Variants in BCO2 observed in about 807,000 individuals in gnomAD.
BCO2 encodes beta-carotene oxygenase 2, also known as carotenoid-cleaving dioxygenase, mitochondrial.
In BCO2, 56 loss-of-function variants were observed where a neutral mutation model predicts 65.8. The observed-to-expected ratio is 0.85, with a 90% confidence interval of 0.69 to 1.06. The LOEUF (loss-of-function observed/expected upper bound fraction) is 1.06, where lower values mean the gene tolerates loss of function less well. Ranked by LOEUF, BCO2 falls within the 50% of genes least tolerant of loss-of-function variation. BCO2 has a pLI of 0.00. For synonymous variants in BCO2, 233 were observed against 242.3 expected, an observed-to-expected ratio of 0.96 and a Z score of 0.36; for missense variants, 675 against 698.5, an observed-to-expected ratio of 0.97 and a Z score of 0.38.
chr11:112,217,948 C>T lies in BCO2; in HGVS notation c.*74C>T. The T allele has an allele frequency of 9.2e-7, 1 of 1,087,522 alleles. No individual in the cohort carries two copies. Among genetic ancestry groups the T allele is most frequent in the South Asian group, 1.4e-5 (1 of 70,682 alleles). The allele number at this position is 1,087,522 out of a possible 1,614,324, so 67.4% of individuals were successfully genotyped here. ...TGGACATAAAGACTGGAGAAATAAA[C>T]ACTGAGGACTCCAAAAGGGGGGCAA... On this transcript the variant is annotated 3_prime_UTR_variant, in exon 12 of 12. Coordinates refer to ENST00000357685, the MANE Select transcript of BCO2 (RefSeq NM_031938.7).
intron 8 of BCO2, among the ~76,000 whole-genome samples, chr11:112,202,892 A>G (rs1867771661): frequency 6.6e-6 from 1 of 152,030 alleles, no homozygotes; most frequent in African/African-American, 2.4e-5. Context: ...TCTAGTAAAA[A>G]TGCAAAAATT....
intron 1 of BCO2, chr11:112,176,517 C>CGGGCG (rs1555193534): frequency 4.3e-5 from 2 of 46,752 alleles, no homozygotes; most frequent in African/African-American, 1.7e-4. Context: ...AATTGATTGG[C>CGGGCG]GGGGGGGGGG....
intron 4 of BCO2, chr11:112,194,260 C>G: frequency 2.3e-6 from 1 of 437,418 alleles, no homozygotes; most frequent in East Asian, 4.3e-5. Context: ...TCTACTTTGG[C>G]TAGTTGGGGT....
In BCO2 at chr11:112,193,575, A is replaced by G. The variant is rs762253947; in HGVS notation, c.395A>G (p.Lys132Arg). 1 of 1,614,168 alleles carries G rather than the reference A, an allele frequency of 6.2e-7. No individual in the cohort carries two copies. Among genetic ancestry groups the G allele is most frequent in the South Asian group, 1.1e-5 (1 of 91,074 alleles). ...AAGTTTCTACAGAGTGATACATATA[A>G]GGCCAACAGTGCTAAAAACCGAATT... ...RSKFLQSDTY[K>R]ANSAKNRIVI... Residue 132 changes from lysine (K) to arginine (R), a missense_variant, in exon 3 of 12, where the codon AAG (lysine) becomes AGG (arginine). By Grantham distance (26) the Lys-to-Arg change is conservative (BLOSUM62 2). Transcript: ENST00000357685.
chr11:112,213,631 A>T, intron 8 of BCO2, 93 bp from the exon 9 acceptor site: 1 of 1,220,346 alleles, frequency 8.2e-7, no homozygotes, highest in Non-Finnish European at 1.2e-6. Context: ...TTAAATATTT[A>T]GGAATGCCAA....
rs1271670680 is a variant in BCO2, at chr11:112,176,525, G to GGC, written c.88+837_88+838insCG. 3 of 130,236 alleles carry GGC rather than the reference G, an allele frequency of 2.3e-5. 1 individual carries two copies. The highest frequency in any genetic ancestry group is 4.9e-5 in the Non-Finnish European group (3 of 61,264). The allele number at this position is 130,236 out of a possible 1,614,324, so 8.1% of individuals were successfully genotyped here. ...TGAAGAAAATTGATTGGCGGGGGGG[G>GGC]GGGAATTAAACATTCTATTTTGACA... On this transcript the variant is annotated intron_variant, in intron 1 of 11. Transcript: ENST00000357685.
intron 6 of BCO2, among the ~76,000 whole-genome samples, chr11:112,200,119 A>G (rs1867688878): frequency 6.6e-6 from 1 of 152,236 alleles, no homozygotes; most frequent in Non-Finnish European, 1.5e-5. Flanking sequence ...AATAGTAATC[A>G]TACATGAAAA....
Position 112,193,879 on chromosome 11 carries a change from C to A in BCO2, c.518C>A (p.Ala173Asp). Reference protein sequence around the residue: ...SRFELPGKAAAMTDNTNVNYV... With the variant: ...SRFELPGKAADMTDNTNVNYV... ...AAATAACTCTAGGGTTTGGTTTCAG[C>A]CATGACTGACAATACTAATGTCAAC... The change falls in exon 4 of 12, where the codon GCC becomes GAC. Residue 173 changes from alanine to aspartate, a missense_variant and splice_region_variant. By Grantham distance (126) the Ala-to-Asp change is moderately radical. Transcript: ENST00000357685. The A allele has an allele frequency of 6.3e-7, 1 of 1,591,592 alleles. No homozygotes were observed. The highest frequency in any genetic ancestry group is 8.6e-7 in the Non-Finnish European group (1 of 1,159,530).
At position 112,202,155 on chromosome 11, in the gene BCO2, C is replaced by T; in HGVS notation, c.1159C>T (p.Gln387Ter). Residue 387 changes from glutamine to a stop codon, truncating the protein, a stop_gained, in exon 8 of 12, where the codon CAG (glutamine) becomes TAG (stop). Coordinates refer to ENST00000357685, the MANE Select transcript of BCO2 (RefSeq NM_031938.7). LOFTEE classifies it high-confidence loss of function. ...AAGAACCCTAGAAGTTTACCAGTTA[C>T]AGAATCTCAGGAAGGCTGGGGAAGG... ...NGRTLEVYQL[Q>*]NLRKAGEGLD... is the part of the protein sequence containing the mutation. The T allele has an allele frequency of 3.1e-6, 5 of 1,613,608 alleles. No individual in the cohort carries two copies. Among genetic ancestry groups the T allele is most frequent in the Non-Finnish European group, 4.2e-6 (5 of 1,179,806 alleles).
At chr11:112,199,311 G>A (rs1365426134) in intron 5 of BCO2, among the ~76,000 whole-genome samples, 1 of 152,156 alleles carries the variant, frequency 6.6e-6, no homozygotes, top group Non-Finnish European at 1.5e-5. Context: ...TGGCTGCATA[G>A]TATTCCATAG....
At chr11:112,178,024 C>T (rs1228457885) in intron 1 of BCO2, among the ~76,000 whole-genome samples, 6 of 150,188 alleles carry the variant, frequency 4.0e-5, no homozygotes, top group Non-Finnish European at 8.8e-5. Context: ...ATTCTCCTGC[C>T]TCAGCTCCTG....
intron 11 of BCO2, among the ~76,000 whole-genome samples, chr11:112,216,689 T>C (rs1235956757): frequency 1.3e-5 from 2 of 152,234 alleles, no homozygotes; most frequent in African/African-American, 4.8e-5. Flanking sequence ...AGTATTTAAA[T>C]CCAAGTCTTT....
In BCO2 at chr11:112,184,652, A is replaced by G. The variant is rs374103482; in HGVS notation, c.293+5170A>G. 3.9e-5 allele frequency among the ~76,000 whole-genome samples: 6 copies of G among 152,130 alleles called. No homozygotes were observed. The South Asian group carries it at 1.0e-3, about 26-fold the overall frequency. ...TTGGCTCGTCCAAGATGTAATACCAATCAGTCAGCACCTGTGATTCTTTTA... is the reference window on the plus strand; with the variant it reads ...TTGGCTCGTCCAAGATGTAATACCAGTCAGTCAGCACCTGTGATTCTTTTA... On this transcript the variant is annotated intron_variant, in intron 2 of 11. Transcript: ENST00000357685.
rs183805407 is a variant in BCO2 at position 112,186,000 on chromosome 11, C to G, written c.293+6518C>G. 5.0e-4 allele frequency among the ~76,000 whole-genome samples: 76 copies of G among 152,214 alleles called. 1 individual carries two copies. In the East Asian group the frequency reaches 0.011, roughly 22 times the overall value. On this transcript the variant is annotated intron_variant, in intron 2 of 11. Coordinates refer to ENST00000357685, the MANE Select transcript of BCO2 (RefSeq NM_031938.7). The stretch of plus-strand genomic sequence containing the variant: ...AATCATCATGCCCTTTCCTCTGGGC[C>G]TGGTTGGAATTTGATCATGGTCCTT...
intron 7 of BCO2, among the ~76,000 whole-genome samples, 161 bp from the exon 8 acceptor site, chr11:112,201,862 C>T (rs1055132727): frequency 6.6e-6 from 1 of 152,126 alleles, no homozygotes; most frequent in Non-Finnish European, 1.5e-5. Context: ...TTTGCTTCTA[C>T]ATTCTGTATT....
chr11:112,195,768 G>A (rs1453956552), intron 5 of BCO2, among the ~76,000 whole-genome samples: 1 of 152,210 alleles, frequency 6.6e-6, no homozygotes, highest in African/African-American at 2.4e-5. Context: ...TAAAATTAAA[G>A]TAACTAGATC....
chr11:112,175,688 A>C lies in BCO2; in HGVS notation c.87A>C (p.Pro29=). 6.2e-7 allele frequency: 1 copy of C among 1,612,098 alleles called. No individual in the cohort carries two copies. Among genetic ancestry groups the C allele is most frequent in the Non-Finnish European group, 8.5e-7 (1 of 1,178,160 alleles). The change falls in exon 1 of 12, where the codon CCA becomes CCC. Residue 29 remains proline, a splice_region_variant and synonymous_variant. Coordinates refer to ENST00000357685, the MANE Select transcript of BCO2 (RefSeq NM_031938.7). ...DFLPVMVHRL[P]VFKRYMGNTP... ...TTCCTGTGATGGTGCACCGGCTCCCAGGTAGAGGGTTTGCCCCTTTCTCTT... is the reference window on the plus strand; with the variant it reads ...TTCCTGTGATGGTGCACCGGCTCCCCGGTAGAGGGTTTGCCCCTTTCTCTT...
At chr11:112,192,702 C>T (rs1380152010) in intron 2 of BCO2, among the ~76,000 whole-genome samples, 24 of 133,612 alleles carry the variant, frequency 1.8e-4, no homozygotes, top group Non-Finnish European at 3.2e-4. Context: ...TTTAATGAGA[C>T]GGGGTTTTGC....
chr11:112,188,079 G>A (rs1867253048), intron 2 of BCO2, among the ~76,000 whole-genome samples: 2 of 152,024 alleles, frequency 1.3e-5, no homozygotes, highest in Admixed American at 6.6e-5. Context: ...CAGCTCTTGG[G>A]CTCTAGACCT....
Sources: gnomAD v4.1 joint callset for allele counts (sites outside exome capture counted in the v4.1 genomes callset) on GRCh38, gnomAD v4.1.1 for gene constraint, MANE v1.5 for transcripts, NCBI Gene and HGNC (gene_info 2026-07-23, HGNC 2026-07-21) for gene names.